Variants in TAF5 observed in about 807,000 individuals in gnomAD.
TAF5 encodes the protein transcription initiation factor TFIID subunit 5.
In TAF5, 20 loss-of-function variants were observed where a neutral mutation model predicts 80.9. The observed-to-expected ratio is 0.25, with a 90% CI of 0.17 to 0.36. The LOEUF is 0.36. TAF5 is among the 10% of genes least tolerant of loss of function. TAF5 has a pLI of 1.00. For synonymous variants in TAF5, 388 were observed against 406.4 expected (o/e 0.95, Z 0.55); for missense variants, 863 against 1,029.4 (o/e 0.84, Z 2.21).
At chr10:103,368,588 G>T in intron 1 of TAF5, 40 bp downstream of exon 1, 1 of 1,452,698 alleles carries the variant, frequency 6.9e-7, no homozygotes, top group Non-Finnish European at 9.0e-7. Flanking sequence ...CCGCCGCGAA[G>T]GGGAGCAAGC....
At position 103,381,754 on chromosome 10, in the gene TAF5, A is replaced by G. The variant is rs1035860695; in HGVS notation, c.1447A>G (p.Ser483Gly). ...LTAVDVTDDS[S>G]LIAGGFADST... is the part of the protein sequence containing the mutation. ...TGCAGTGGATGTCACTGATGATTCT[A>G]GTCTGATTGCTGGAGGTTTTGCAGA... Residue 483 changes from serine to glycine, a missense_variant, in exon 6 of 11, where the codon AGT (serine) becomes GGT (glycine). Physicochemically the swap from Ser to Gly is moderately conservative, Grantham distance 56. Around this residue, in one of 3 missense-constraint regions of TAF5, gnomAD observed 368 missense variants for 461.7 expected, o/e 0.80. Coordinates refer to ENST00000369839, the MANE Select transcript of TAF5 (RefSeq NM_006951.5). The G allele has an allele frequency of 6.2e-7, 1 of 1,614,146 alleles. No individual in the cohort carries two copies. The highest frequency in any genetic ancestry group is 1.3e-5 in the African/African-American group (1 of 75,036).
chr10:103,369,781 A>G (rs961472421), intron 1 of TAF5, among the ~76,000 whole-genome samples: 1 of 152,150 alleles, frequency 6.6e-6, no homozygotes, highest in African/African-American at 2.4e-5. Context: ...GAATCTGGGA[A>G]TCTTCACTTT....
Position 103,388,142 on chromosome 10 carries a change from G to A in TAF5, c.2322G>A (p.Met774Ile), listed in dbSNP as rs575216300. 1.2e-6 allele frequency: 2 copies of A among 1,613,956 alleles called. No homozygotes were observed. Among genetic ancestry groups the A allele is most frequent in the Non-Finnish European group, 1.7e-6 (2 of 1,179,974 alleles). The change falls in exon 11 of 11, where the codon ATG (methionine) becomes ATA (isoleucine). Residue 774 changes from methionine to isoleucine, a missense_variant. By Grantham distance (10) the Met-to-Ile change is conservative. This residue lies in a region of TAF5 where 368 missense variants were observed against 461.7 expected (regional missense o/e 0.80). Transcript: ENST00000369839. ...AGGAGTTATTGTTGGGAACATATAT[G>A]ACCAAATCAACACCAGTTGTACACC... is the stretch of plus-strand genomic sequence containing the variant. ...NSQELLLGTY[M>I]TKSTPVVHLH...
Position 103,368,012 on chromosome 10 carries a change from A to T in TAF5, c.23A>T (p.Gln8Leu). The change falls in exon 1 of 11, where the codon CAG (glutamine) becomes CTG (leucine). Residue 8 changes from glutamine to leucine, a missense_variant. Physicochemically the swap from Gln to Leu is moderately radical, Grantham distance 113. This residue lies in a region of TAF5 where 367 missense variants were observed against 335.5 expected (regional missense o/e 1.09). Coordinates refer to ENST00000369839, the MANE Select transcript of TAF5 (RefSeq NM_006951.5). MAALAEE[Q>L]TEVAVKLEPE... The stretch of plus-strand genomic sequence containing the variant: ...AAGATGGCGGCGCTGGCGGAGGAGC[A>T]GACGGAGGTGGCGGTCAAGCTAGAG... 6.8e-7 allele frequency: 1 copy of T among 1,464,118 alleles called. No individual in the cohort carries two copies. The highest frequency in any genetic ancestry group is 9.0e-7 in the Non-Finnish European group (1 of 1,114,460). The allele number at this position is 1,464,118 out of a possible 1,614,324, so 90.7% of individuals were successfully genotyped here. A position where few individuals can be genotyped will look rare whatever the true frequency, so the allele number is the denominator to read the frequency against.
At position 103,388,252 on chromosome 10, in the gene TAF5, C is replaced by T; in HGVS notation, c.*29C>T. The stretch of plus-strand genomic sequence containing the variant: ...ATCGGTATTAAAGACCTTTTGGAAG[C>T]TACTGTTTTTAAAAAGGGAGACTAA... On this transcript the variant is annotated 3_prime_UTR_variant, in exon 11 of 11. Transcript: ENST00000369839. The T allele has an allele frequency of 1.2e-5, 19 of 1,566,408 alleles. No individual in the cohort carries two copies. Among genetic ancestry groups the T allele is most frequent in the Non-Finnish European group, 1.6e-5 (19 of 1,152,834 alleles).
At chr10:103,372,755 G>T (rs1459875693) in intron 1 of TAF5, among the ~76,000 whole-genome samples, 1 of 151,734 alleles carries the variant, frequency 6.6e-6, no homozygotes, top group African/African-American at 2.4e-5. Context: ...AATTAGCTGG[G>T]CATAGTGGTG....
rs186233030 is a variant in TAF5, at chr10:103,387,454, C to T, written c.2008-67C>T. The T allele has an allele frequency of 7.1e-6, 11 of 1,551,136 alleles. No individual in the cohort carries two copies. In the East Asian group the frequency reaches 1.6e-4, roughly 22 times the overall value. ...AATTTTAAAGATACCATTCTTACTA[C>T]AAAACTTTAAAATTTTGTCTTATTT... On this transcript the variant is annotated intron_variant, in intron 9 of 10. Coordinates refer to ENST00000369839, the MANE Select transcript of TAF5 (RefSeq NM_006951.5).
rs1331351567 is a variant in TAF5 at position 103,378,094 on chromosome 10, A to G, written c.798-141A>G. 5 of 636,288 alleles carry G rather than the reference A, an allele frequency of 7.9e-6. No homozygotes were observed. Among genetic ancestry groups the G allele is most frequent in the African/African-American group, 5.5e-5 (3 of 54,328 alleles). The allele number at this position is 636,288 out of a possible 1,614,324, so 39.4% of individuals were successfully genotyped here. A position where few individuals can be genotyped will look rare whatever the true frequency, so the allele number is the denominator to read the frequency against. ...AATTATAGTCATTTTGAAATGAGTT[A>G]CTTCTTATCCTACAGCTTAGTTCAG... On this transcript the variant is annotated intron_variant, in intron 2 of 10. Transcript: ENST00000369839. This position sits in a 1 kb window ranked among gnomAD's most constrained non-coding sequence, Gnocchi z 4.1.
intron 6 of TAF5, among the ~76,000 whole-genome samples, 161 bp from the exon 7 acceptor site, chr10:103,383,077 C>T (rs948331837): frequency 8.5e-5 from 13 of 152,186 alleles, no homozygotes; most frequent in African/African-American, 2.7e-4. Flanking sequence ...TTCTCTTACA[C>T]GCTGAGATGA....
Position 103,385,481 on chromosome 10 carries a change from G to A in TAF5, c.1820G>A (p.Arg607Gln), listed in dbSNP as rs2093393759. The A allele has an allele frequency of 6.2e-7, 1 of 1,613,874 alleles. No individual in the cohort carries two copies. Among genetic ancestry groups the A allele is most frequent in the Non-Finnish European group, 8.5e-7 (1 of 1,179,934 alleles). Residue 607 changes from arginine (R) to glutamine (Q), a missense_variant, in exon 8 of 11, where the codon CGA (arginine) becomes CAA (glutamine). Coordinates refer to ENST00000369839, the MANE Select transcript of TAF5 (RefSeq NM_006951.5). ...GYYFVSGGHD[R>Q]VARLWATDHY... ...TATTTTGTGTCAGGGGGCCATGACC[G>A]AGTAGCTCGGTAAGAACACTGTGAT...
intron 7 of TAF5, among the ~76,000 whole-genome samples, chr10:103,384,150 A>G (rs1480336168): frequency 1.3e-5 from 2 of 152,210 alleles, no homozygotes; most frequent in East Asian, 1.9e-4. Flanking sequence ...TAATCTTTCT[A>G]TAATCAAAAG....
chr10:103,386,374 A>C (rs2093396325), intron 8 of TAF5, among the ~76,000 whole-genome samples: 1 of 152,140 alleles, frequency 6.6e-6, no homozygotes, highest in Non-Finnish European at 1.5e-5. Flanking sequence ...CAGGAGGCAG[A>C]GGTTGCAGTG....
At chr10:103,373,648 T>C in intron 2 of TAF5, 53 bp downstream of exon 2, 1 of 1,310,128 alleles carries the variant, frequency 7.6e-7, no homozygotes, top group Non-Finnish European at 1.1e-6. Context: ...TGTGTGTGTG[T>C]GCGTGCATAT....
intron 1 of TAF5, among the ~76,000 whole-genome samples, chr10:103,370,165 G>T (rs2093355972): frequency 6.6e-6 from 1 of 151,632 alleles, no homozygotes; most frequent in Admixed American, 6.6e-5. Flanking sequence ...CCGGGAGGCT[G>T]AGGTTGCAGT....
At chr10:103,387,428 A>T in intron 9 of TAF5, 76 bp downstream of exon 9, 2 of 1,550,630 alleles carry the variant, frequency 1.3e-6, no homozygotes, top group Non-Finnish European at 1.7e-6. Flanking sequence ...AGTGACACAT[A>T]AATTTTAAAG....
intron 1 of TAF5, 122 bp from the exon 2 acceptor site, chr10:103,373,236 A>T: frequency 1.4e-6 from 1 of 723,384 alleles, no homozygotes; most frequent in Non-Finnish European, 2.3e-6. Flanking sequence ...GTTGAGGAAG[A>T]GACAGTGGGA....
Position 103,379,948 on chromosome 10 carries a change from A to C in TAF5, c.1342A>C (p.Thr448Pro), listed in dbSNP as rs1173010198. 1.2e-6 allele frequency: 2 copies of C among 1,614,100 alleles called. No individual in the cohort carries two copies. The highest frequency in any genetic ancestry group is 2.2e-5 in the East Asian group (1 of 44,886). Residue 448 changes from threonine (T) to proline (P), a missense_variant, in exon 5 of 11, where the codon ACC becomes CCC. This residue lies in a region of TAF5 where 368 missense variants were observed against 461.7 expected (regional missense o/e 0.80). Transcript: ENST00000369839. The part of the protein sequence containing the change: ...LDKIMNMKET[T>P]KRVRLGPDCL... ...TAAGATAATGAATATGAAAGAAACC[A>C]CCAAACGAGTGCGCCTTGGGCCGGA...
chr10:103,380,025 T>TA lies in TAF5; in HGVS notation c.1413+13dup, dbSNP rs760199874. On this transcript the variant is annotated splice_region_variant and intron_variant, in intron 5 of 10. Transcript: ENST00000369839. ...CATTTCTCAATGCTTACCAGGTTGG[T>TA]AAAAAAATTGGGCGATTTCTGCCTG... is the stretch of plus-strand genomic sequence containing the variant. The TA allele has an allele frequency of 2.9e-5, 47 of 1,607,152 alleles. No homozygotes were observed. Among genetic ancestry groups the TA allele is most frequent in the East Asian group, 4.5e-5 (2 of 44,760 alleles).
rs1209462318 is a variant in TAF5 at position 103,379,725 on chromosome 10, G to C, written c.1231G>C (p.Gly411Arg). 2 of 1,604,346 alleles carry C rather than the reference G, an allele frequency of 1.2e-6. No homozygotes were observed. Among genetic ancestry groups the C allele is most frequent in the Non-Finnish European group, 1.7e-6 (2 of 1,178,032 alleles). ...GAAGAAGCCTAAAAAAGATAGTATTGGATCCAAAAGCAAAAAACAAGATCC... is the reference window on the plus strand; with the variant it reads ...GAAGAAGCCTAAAAAAGATAGTATTCGATCCAAAAGCAAAAAACAAGATCC... ...KKKKPKKDSI[G>R]SKSKKQDPNA... Residue 411 changes from glycine to arginine, a missense_variant, in exon 4 of 11, where the codon GGA (glycine) becomes CGA (arginine). By Grantham distance (125) the Gly-to-Arg change is moderately radical. This residue lies in a region of TAF5 where 128 missense variants were observed against 232.2 expected (regional missense o/e 0.55). Transcript: ENST00000369839.
Sources: allele counts gnomAD v4.1 joint callset (sites outside exome capture counted in the v4.1 genomes callset), GRCh38; gene constraint gnomAD v4.1.1; regional missense constraint gnomAD v4.1.1; non-coding constraint Gnocchi (gnomAD v3.1); transcripts MANE v1.5; gene names NCBI Gene and HGNC (gene_info 2026-07-23, HGNC 2026-07-21).